Variants in TRIM9 observed in about 807,000 individuals in gnomAD.
The protein encoded by TRIM9 is tripartite motif containing 9.
Under a neutral mutation model 78.3 loss-of-function variants are expected in TRIM9, and 26 were observed. The ratio of observed to expected loss-of-function variants is 0.33; its 90% CI spans 0.24 to 0.46. The LOEUF is 0.46. Ranked by LOEUF, TRIM9 falls within the 20% of genes least tolerant of loss-of-function variation. The probability of loss-of-function intolerance (pLI) is 1.00; values close to 1 mark genes in which losing one functional copy is unlikely to be tolerated. For synonymous variants in TRIM9, 398 were observed against 416.5 expected (o/e 0.96, Z 0.54); for missense variants, 787 against 1,036.4 (o/e 0.76, Z 3.30).
rs534366350 is a variant in TRIM9, at chr14:50,997,920, G to C, written c.1603+130C>G. On this transcript the variant is annotated intron_variant, in intron 7 of 12. Coordinates refer to ENST00000684578, the MANE Select transcript of TRIM9 (RefSeq NM_001387360.1). Reference sequence around the variant, plus strand: ...AAGGCAGGAGAGGAACAGCGGCTCTGTGCAGAATGCAGAGCAAGTCATGGA... The same window carrying C: ...AAGGCAGGAGAGGAACAGCGGCTCTCTGCAGAATGCAGAGCAAGTCATGGA... 8.0e-6 allele frequency: 12 copies of C among 1,508,544 alleles called. No individual in the cohort carries two copies. The South Asian group carries it at 1.6e-4, about 20-fold the overall frequency. The allele number at this position is 1,508,544 out of a possible 1,614,324, so 93.4% of individuals were successfully genotyped here. A position where few individuals can be genotyped will look rare whatever the true frequency, so the allele number is the denominator to read the frequency against.
intron 7 of TRIM9, among the ~76,000 whole-genome samples, chr14:50,994,827 G>A (rs1199350292): frequency 6.6e-6 from 1 of 152,090 alleles, no homozygotes; most frequent in African/African-American, 2.4e-5. Context: ...TGGGGCTTGG[G>A]GGCCTTATTT....
chr14:51,040,108 A>G (rs1208441880), intron 1 of TRIM9, among the ~76,000 whole-genome samples: 2 of 152,174 alleles, frequency 1.3e-5, no homozygotes, highest in Admixed American at 6.5e-5. Flanking sequence ...TAACAGGATA[A>G]AGTATATGCG....
chr14:51,003,263 T>G (rs1330651223), intron 5 of TRIM9, among the ~76,000 whole-genome samples: 2 of 152,242 alleles, frequency 1.3e-5, no homozygotes, highest in East Asian at 1.9e-4. Context: ...GGGAAACCAT[T>G]CTTCAAAGGG....
intron 6 of TRIM9, among the ~76,000 whole-genome samples, chr14:50,999,308 C>A (rs4898678): frequency 0.043 from 6,553 of 151,986 alleles, 245 homozygotes; most frequent in African/African-American, 0.089. Flanking sequence ...ATGACACAGG[C>A]ACTGAAAAGG....
Position 51,022,848 on chromosome 14 carries a change from T to C in TRIM9, c.1028A>G (p.Glu343Gly). The C allele has an allele frequency of 6.2e-7, 1 of 1,614,206 alleles. No individual in the cohort carries two copies. Among genetic ancestry groups the C allele is most frequent in the Non-Finnish European group, 8.5e-7 (1 of 1,180,028 alleles). The change falls in exon 3 of 13, where the codon GAG becomes GGG. Residue 343 changes from glutamate to glycine, a missense_variant. Coordinates refer to ENST00000684578, the MANE Select transcript of TRIM9 (RefSeq NM_001387360.1). ...QLLARVNKEH[E>G]HKLKVVRDQI... is the part of the protein sequence containing the mutation. ...TGCAGCACTCACCTTCAGCTTGTGC[T>C]CATGCTCCTTGTTGACGCGGGCCAG...
intron 3 of TRIM9, among the ~76,000 whole-genome samples, chr14:51,013,251 A>C (rs1478915710): frequency 2.1e-5 from 3 of 143,286 alleles, no homozygotes; most frequent in East Asian, 2.0e-4. Flanking sequence ...TTGCATGTGG[A>C]TATCCAATTT....
At chr14:51,083,888 C>A (rs1198365811) in intron 1 of TRIM9, among the ~76,000 whole-genome samples, 1 of 152,132 alleles carries the variant, frequency 6.6e-6, no homozygotes, top group Non-Finnish European at 1.5e-5. Context: ...AGCGTTCAAG[C>A]CCTGCCTTTG....
At chr14:51,075,022 C>A (rs947714355) in intron 1 of TRIM9, among the ~76,000 whole-genome samples, 5 of 152,216 alleles carry the variant, frequency 3.3e-5, no homozygotes, top group Non-Finnish European at 7.3e-5. Flanking sequence ...TCCAAAGAGA[C>A]TCTTGTCAGG....
intron 3 of TRIM9, among the ~76,000 whole-genome samples, chr14:51,016,008 C>T (rs901913679): frequency 6.6e-5 from 10 of 152,062 alleles, no homozygotes; most frequent in Non-Finnish European, 1.0e-4. Flanking sequence ...GTTTAAGGTC[C>T]GGTACAGTTG....
chr14:51,007,743 C>T (rs2056004927), intron 5 of TRIM9, among the ~76,000 whole-genome samples: 1 of 149,748 alleles, frequency 6.7e-6, no homozygotes, highest in Admixed American at 6.7e-5. Flanking sequence ...TATTTCCAAT[C>T]TATACACTAT....
At chr14:50,995,187 T>A (rs183650920) in intron 7 of TRIM9, among the ~76,000 whole-genome samples, 2 of 152,326 alleles carry the variant, frequency 1.3e-5, no homozygotes, top group Non-Finnish European at 2.9e-5. Flanking sequence ...TTCTTTATAA[T>A]TTCCATTGAA....
intron 1 of TRIM9, among the ~76,000 whole-genome samples, chr14:51,070,952 T>C (rs1365606663): frequency 6.6e-6 from 1 of 152,084 alleles, no homozygotes; most frequent in African/African-American, 2.4e-5. Context: ...AAATAGAAAA[T>C]GATGAGTCAG....
At chr14:51,047,714 T>A (rs1354252958) in intron 1 of TRIM9, among the ~76,000 whole-genome samples, 1 of 152,050 alleles carries the variant, frequency 6.6e-6, no homozygotes, top group Non-Finnish European at 1.5e-5. Context: ...TAAAAAAGAA[T>A]ATGGCCAATG....
intron 1 of TRIM9, among the ~76,000 whole-genome samples, chr14:51,075,903 G>A (rs2062735953): frequency 6.6e-6 from 1 of 152,036 alleles, no homozygotes; most frequent in East Asian, 1.9e-4. Context: ...AACCTAAAAG[G>A]TGATTACACA....
intron 3 of TRIM9, among the ~76,000 whole-genome samples, chr14:51,018,133 A>C (rs1206361354): frequency 6.6e-6 from 1 of 152,218 alleles, no homozygotes; most frequent in Non-Finnish European, 1.5e-5. Context: ...GTAATGGAAT[A>C]ACTGAGTTCT....
intron 7 of TRIM9, 160 bp downstream of exon 7, chr14:50,997,890 C>G: frequency 1.4e-6 from 2 of 1,464,830 alleles, no homozygotes; most frequent in South Asian, 1.4e-5. Context: ...ACCATAGGCT[C>G]TCTAAAGGCA....
chr14:50,982,247 G>C (rs1400248694), intron 10 of TRIM9, 144 bp from the exon 11 acceptor site: 1 of 878,900 alleles, frequency 1.1e-6, no homozygotes, highest in African/African-American at 1.7e-5. Flanking sequence ...AGGGCAGACA[G>C]GGGCACGTCC....
At chr14:51,081,925 T>C (rs551132433) in intron 1 of TRIM9, among the ~76,000 whole-genome samples, 1 of 152,186 alleles carries the variant, frequency 6.6e-6, no homozygotes, top group Non-Finnish European at 1.5e-5. Context: ...CCAAATCTTG[T>C]TGTTCAAGAG....
At chr14:51,092,042 T>A (rs2064393019) in intron 1 of TRIM9, among the ~76,000 whole-genome samples, 2 of 152,228 alleles carry the variant, frequency 1.3e-5, no homozygotes, top group Non-Finnish European at 2.9e-5. Flanking sequence ...TGGCTCTAAA[T>A]TCTTTTTCCT....
Sources: allele counts gnomAD v4.1 joint callset (sites outside exome capture counted in the v4.1 genomes callset), GRCh38; gene constraint gnomAD v4.1.1; transcripts MANE v1.5; gene names NCBI Gene and HGNC (gene_info 2026-07-23, HGNC 2026-07-21).